The following BTNL8 variants were observed in gnomAD, a reference collection of about 807,000 sequenced individuals.
BTNL8 encodes the protein butyrophilin like 8.
Under a neutral mutation model 36.1 loss-of-function variants are expected in BTNL8, and 22 were observed. That is an observed-to-expected ratio of 0.61 (90% CI 0.44 to 0.87). The LOEUF (loss-of-function observed/expected upper bound fraction) is 0.87, where lower values mean the gene tolerates loss of function less well. Among genes scored for constraint, BTNL8 ranks in the 40% least tolerant of loss-of-function variants. The pLI is 0.00. For missense variants in BTNL8, 526 were observed against 616.9 expected, an observed-to-expected ratio of 0.85 and a Z score of 1.56; for synonymous variants, 203 against 235.6, an observed-to-expected ratio of 0.86 and a Z score of 1.27.
chr5:180,928,536 C>T (rs1758211202), intron 3 of BTNL8, among the ~76,000 whole-genome samples: 2 of 152,202 alleles, frequency 1.3e-5, no homozygotes, highest in African/African-American at 4.8e-5. Context: ...GATAACGGGT[C>T]ATGACCCATT....
chr5:180,908,899 C>T lies in BTNL8; in HGVS notation c.363C>T (p.Tyr121=). Residue 121 remains tyrosine (Y), a synonymous_variant, in exon 2 of 8, where the codon TAC becomes TAT. Coordinates refer to ENST00000340184, the MANE Select transcript of BTNL8 (RefSeq NM_001040462.3). ...LYGCRISSQS[Y]YQKAIWELQV... ...GGTGCAGGATTAGTTCCCAGTCTTA[C>T]TACCAGAAGGCCATCTGGGAGCTAC... 6.2e-7 allele frequency: 1 copy of T among 1,613,906 alleles called. No homozygotes were observed. Among genetic ancestry groups the T allele is most frequent in the Non-Finnish European group, 8.5e-7 (1 of 1,179,796 alleles).
chr5:180,942,919 AAGC>A (rs1477312962), intron 3 of BTNL8, among the ~76,000 whole-genome samples: 2 of 152,116 alleles, frequency 1.3e-5, no homozygotes, highest in Non-Finnish European at 2.9e-5. Flanking sequence ...CAGACAATAA[AAGC>A]AGAAACAGAC....
intron 4 of BTNL8, 99 bp from the exon 5 acceptor site, chr5:180,948,256 T>G: frequency 6.9e-7 from 1 of 1,443,746 alleles, no homozygotes; most frequent in Non-Finnish European, 9.6e-7. Flanking sequence ...GCCCTGCCCT[T>G]CACACCTGCA....
At position 180,949,069 on chromosome 5, in the gene BTNL8, T is replaced by C. The variant is rs1023190087; in HGVS notation, c.835+123T>C. The C allele has an allele frequency of 7.3e-5, 79 of 1,086,978 alleles. 9 individuals are homozygous for C. Among genetic ancestry groups the C allele is most frequent in the African/African-American group, 2.6e-4 (13 of 50,320 alleles). 67.3% of individuals were successfully genotyped at this position (1,086,978 alleles called of 1,614,324 possible). On this transcript the variant is annotated intron_variant, in intron 6 of 7. Transcript: ENST00000340184. The stretch of plus-strand genomic sequence containing the variant: ...CAAGCTTGTGATGGGAACTCTGAAA[T>C]TGCAGATTCTGGGGGAGGTGCATTT...
At chr5:180,905,822 T>C (rs1421015836) in intron 1 of BTNL8, among the ~76,000 whole-genome samples, 1 of 151,380 alleles carries the variant, frequency 6.6e-6, no homozygotes, top group Non-Finnish European at 1.5e-5. Context: ...TCAGTTTCCA[T>C]GTAGTTGAGC....
chr5:180,933,936 C>T (rs1472381166), intron 3 of BTNL8, among the ~76,000 whole-genome samples: 1 of 151,552 alleles, frequency 6.6e-6, no homozygotes, highest in African/African-American at 2.4e-5. Flanking sequence ...ACTTATTTTA[C>T]AAGGTCAACA....
rs550848669 is a variant in BTNL8, at chr5:180,930,409, A to T, written c.674-17103A>T. Among the ~76,000 whole-genome samples the T allele has an allele frequency of 7.2e-5, 11 of 152,354 alleles. No homozygotes were observed. In the East Asian group the frequency reaches 2.1e-3, roughly 29 times the overall value. ...CTTTGAAAACTGGCACAAGACAAGG[A>T]TGTCCTCTTTCACCACTCCTATTCA... On this transcript the variant is annotated intron_variant, in intron 3 of 7. Coordinates refer to ENST00000340184, the MANE Select transcript of BTNL8 (RefSeq NM_001040462.3).
intron 5 of BTNL8, 191 bp downstream of exon 5, chr5:180,948,566 A>G: frequency 6.8e-7 from 1 of 1,475,952 alleles, no homozygotes; most frequent in Non-Finnish European, 9.2e-7. Flanking sequence ...AGGGCTTAGG[A>G]TAGGCCCCGG....
chr5:180,934,862 T>A (rs948914610), intron 3 of BTNL8, among the ~76,000 whole-genome samples: 1 of 152,188 alleles, frequency 6.6e-6, no homozygotes, highest in Non-Finnish European at 1.5e-5. Context: ...CTGTTTGTGT[T>A]ACAGCTTTTT....
In BTNL8 at chr5:180,922,830, T is replaced by TCTTTGAAGGTCTCCAAGAACTTG. The variant is rs1159102987; in HGVS notation, c.673+11221_673+11243dup. Among the ~76,000 whole-genome samples, 3 of 152,152 alleles carry TCTTTGAAGGTCTCCAAGAACTTG rather than the reference T, an allele frequency of 2.0e-5. No homozygotes were observed. In the East Asian group the frequency reaches 5.8e-4, roughly 29 times the overall value. On this transcript the variant is annotated intron_variant, in intron 3 of 7. Coordinates refer to ENST00000340184, the MANE Select transcript of BTNL8 (RefSeq NM_001040462.3). ...CTATTATTGTGTGGAAGTCTAAATC[T>TCTTTGAAGGTCTCCAAGAACTTG]CTTTGAAGGTCTCCAAGAACTTGCT...
At position 180,911,710 on chromosome 5, in the gene BTNL8, T is replaced by C. The variant is rs1485906632; in HGVS notation, c.673+96T>C. 9.9e-6 allele frequency: 12 copies of C among 1,214,914 alleles called. No homozygotes were observed. In the East Asian group the frequency reaches 2.8e-4, roughly 29 times the overall value. 75.3% of individuals were successfully genotyped at this position (1,214,914 alleles called of 1,614,324 possible). A position where few individuals can be genotyped will look rare whatever the true frequency, so the allele number is the denominator to read the frequency against. On this transcript the variant is annotated intron_variant, in intron 3 of 7. Transcript: ENST00000340184. ...TCCATCTTGGCATTGCTGTTTTATC[T>C]TTCTCAGTTCTAATGATTTATTTTA... is the stretch of plus-strand genomic sequence containing the variant.
intron 7 of BTNL8, 151 bp from the exon 8 acceptor site, chr5:180,949,753 G>C: frequency 1.0e-6 from 1 of 968,814 alleles, no homozygotes; most frequent in African/African-American, 1.6e-5. Context: ...GTGATGAGAG[G>C]ACCTGAAAGG....
At chr5:180,911,197 C>G in intron 2 of BTNL8, 142 bp from the exon 3 acceptor site, 1 of 1,319,920 alleles carries the variant, frequency 7.6e-7, no homozygotes, top group Non-Finnish European at 1.0e-6. Context: ...CATGGGAAGG[C>G]TTTTGCCAAA....
In BTNL8 at chr5:180,950,365, C is replaced by T. The variant is rs1235069070; in HGVS notation, c.1324C>T (p.Pro442Ser). 2 of 1,463,010 alleles carry T rather than the reference C, an allele frequency of 1.4e-6. 1 individual carries two copies. The highest frequency in any genetic ancestry group is 1.9e-6 in the Non-Finnish European group (2 of 1,058,948). 90.6% of individuals were successfully genotyped at this position (1,463,010 alleles called of 1,614,324 possible). Reference sequence around the variant, plus strand: ...ATGTCGGTTTGAAGGCTTATTGAGGCCCTACATTGAGTATCCGTCCTATAA... The same window carrying T: ...ATGTCGGTTTGAAGGCTTATTGAGGTCCTACATTGAGTATCCGTCCTATAA... Reference protein sequence around the residue: ...LTCRFEGLLRPYIEYPSYNEQ... With the variant: ...LTCRFEGLLRSYIEYPSYNEQ... The change falls in exon 8 of 8, where the codon CCC (proline) becomes TCC (serine). Residue 442 changes from proline to serine, a missense_variant. Coordinates refer to ENST00000340184, the MANE Select transcript of BTNL8 (RefSeq NM_001040462.3).
At chr5:180,912,313 TA>T (rs1757436926) in intron 3 of BTNL8, among the ~76,000 whole-genome samples, 2 of 152,192 alleles carry the variant, frequency 1.3e-5, no homozygotes, top group South Asian at 4.1e-4. Flanking sequence ...AGTTGGGACC[TA>T]AAAGAGCTTC....
intron 3 of BTNL8, among the ~76,000 whole-genome samples, chr5:180,940,216 C>T (rs886448216): frequency 5.3e-5 from 8 of 151,486 alleles, no homozygotes; most frequent in Admixed American, 4.6e-4. Flanking sequence ...CATGGTGGCA[C>T]TAATCCCAGC....
chr5:180,900,955 A>G (rs1475545081), intron 1 of BTNL8, among the ~76,000 whole-genome samples: 1 of 152,188 alleles, frequency 6.6e-6, no homozygotes, highest in African/African-American at 2.4e-5. Flanking sequence ...GTAGGTTCCA[A>G]GGGTGGCAGG....
At chr5:180,924,693 G>A (rs1758020059) in intron 3 of BTNL8, among the ~76,000 whole-genome samples, 1 of 152,186 alleles carries the variant, frequency 6.6e-6, no homozygotes, top group Non-Finnish European at 1.5e-5. Flanking sequence ...CACTTGCAAA[G>A]GCCAGAAAAG....
intron 3 of BTNL8, among the ~76,000 whole-genome samples, chr5:180,945,266 C>T (rs953199236): frequency 6.6e-6 from 1 of 152,152 alleles, no homozygotes; most frequent in Non-Finnish European, 1.5e-5. Context: ...TATCCACATG[C>T]ACATGTGTGA....
Sources: gnomAD v4.1 joint callset for allele counts (sites outside exome capture counted in the v4.1 genomes callset) on GRCh38, gnomAD v4.1.1 for gene constraint, MANE v1.5 for transcripts, NCBI Gene and HGNC (gene_info 2026-07-23, HGNC 2026-07-21) for gene names.